The following PDZRN3 variants were observed in gnomAD, a reference collection of about 807,000 sequenced individuals.
The protein encoded by PDZRN3 is E3 ubiquitin-protein ligase PDZRN3.
PDZRN3 carries 38 observed loss-of-function variants against 85.7 expected under a neutral mutation model. The observed-to-expected ratio is 0.44, with a 90% CI of 0.34 to 0.58. PDZRN3 has a LOEUF of 0.58. Among genes scored for constraint, PDZRN3 ranks in the 20% least tolerant of loss-of-function variants. The probability of loss-of-function intolerance (pLI) is 0.01; values close to 1 mark genes in which losing one functional copy is unlikely to be tolerated. For synonymous variants in PDZRN3, 759 were observed against 638.0 expected (o/e 1.19, Z -2.86); for missense variants, 1,629 against 1,506.4 (o/e 1.08, Z -1.35).
At chr3:73,602,306 T>C (rs779979168) in intron 3 of PDZRN3, 48 bp downstream of exon 3, 68 of 1,001,562 alleles carry the variant, frequency 6.8e-5, no homozygotes, top group Non-Finnish European at 9.9e-5. Flanking sequence ...TAGACGAAGA[T>C]GGGATGGCAT....
intron 3 of PDZRN3, among the ~76,000 whole-genome samples, chr3:73,499,956 T>G (rs746256810): frequency 2.0e-5 from 3 of 152,044 alleles, no homozygotes; most frequent in Non-Finnish European, 4.4e-5. Context: ...TAGCTAATAT[T>G]ATTGTTGTGG....
At position 73,618,938 on chromosome 3, in the gene PDZRN3, T is replaced by C. The variant is rs144712856; in HGVS notation, c.723+5165A>G. Among the ~76,000 whole-genome samples, 181 of 152,336 alleles carry C rather than the reference T, an allele frequency of 1.2e-3. 1 individual carries two copies. The highest frequency in any genetic ancestry group is 4.2e-3 in the African/African-American group (176 of 41,584). On this transcript the variant is annotated intron_variant, in intron 1 of 9. Coordinates refer to ENST00000263666, the MANE Select transcript of PDZRN3 (RefSeq NM_015009.3). ...GCAGGAGCTTTTCAGAAACAAAATA[T>C]ACTTCATGGTGAATACTCTAACAGA...
intron 1 of PDZRN3, among the ~76,000 whole-genome samples, chr3:73,613,578 G>A (rs1702715836): frequency 6.6e-6 from 1 of 152,106 alleles, no homozygotes; most frequent in African/African-American, 2.4e-5. Context: ...AAAAGAAGGT[G>A]AAGAACAGAG....
intron 3 of PDZRN3, among the ~76,000 whole-genome samples, chr3:73,502,637 C>T (rs1438081883): frequency 3.3e-5 from 5 of 152,204 alleles, no homozygotes; most frequent in Non-Finnish European, 5.9e-5. Flanking sequence ...CTGAGACTGG[C>T]AGCTCATGAA....
intron 3 of PDZRN3, 49 bp from the exon 4 acceptor site, chr3:73,404,444 C>T (rs747473367): frequency 1.5e-5 from 24 of 1,561,864 alleles, no homozygotes; most frequent in Middle Eastern, 1.8e-4. Context: ...AAGCAGAAAA[C>T]GGAAGGACAA....
At chr3:73,387,043 T>C (rs1260599550) in intron 8 of PDZRN3, among the ~76,000 whole-genome samples, 3 of 152,196 alleles carry the variant, frequency 2.0e-5, no homozygotes, top group African/African-American at 4.8e-5. Flanking sequence ...TGAGATCTGA[T>C]AGTTTTATAA....
chr3:73,464,703 T>A (rs1703178026), intron 3 of PDZRN3, among the ~76,000 whole-genome samples: 1 of 152,202 alleles, frequency 6.6e-6, no homozygotes, highest in Non-Finnish European at 1.5e-5. Context: ...TGTCTCTTTT[T>A]AAAAAAATCT....
intron 1 of PDZRN3, among the ~76,000 whole-genome samples, chr3:73,615,277 C>A (rs975515270): frequency 6.6e-6 from 1 of 152,182 alleles, no homozygotes; most frequent in Non-Finnish European, 1.5e-5. Flanking sequence ...CTTATTTCCA[C>A]GAGCTTGATT....
At chr3:73,453,404 C>CAAAAAAAAAAA (rs1184407369) in intron 3 of PDZRN3, among the ~76,000 whole-genome samples, 2 of 97,536 alleles carry the variant, frequency 2.1e-5, no homozygotes, top group African/African-American at 7.1e-5. Flanking sequence ...GACTTCGTCT[C>CAAAAAAAAAAA]AAAAAAAAAA....
intron 3 of PDZRN3, among the ~76,000 whole-genome samples, chr3:73,591,637 G>A (rs895084467): frequency 2.0e-5 from 3 of 152,132 alleles, no homozygotes; most frequent in Admixed American, 6.5e-5. Context: ...TAACCACCTG[G>A]TGAGCATTTA....
intron 3 of PDZRN3, among the ~76,000 whole-genome samples, chr3:73,508,539 A>G (rs1218045032): frequency 1.3e-5 from 2 of 152,168 alleles, no homozygotes; most frequent in Middle Eastern, 3.2e-3. Flanking sequence ...GCAGGAGACT[A>G]TCAGTGACTT....
At chr3:73,409,582 G>A (rs1347267221) in intron 3 of PDZRN3, among the ~76,000 whole-genome samples, 1 of 152,148 alleles carries the variant, frequency 6.6e-6, no homozygotes, top group Non-Finnish European at 1.5e-5. Context: ...CTTAAGAAAT[G>A]GAAAGATGAA....
At chr3:73,437,839 G>A (rs1439633310) in intron 3 of PDZRN3, among the ~76,000 whole-genome samples, 1 of 152,108 alleles carries the variant, frequency 6.6e-6, no homozygotes, top group Admixed American at 6.5e-5. Flanking sequence ...TAAAAAAGGA[G>A]GTTCACCTGC....
At chr3:73,533,440 A>C (rs1704705421) in intron 3 of PDZRN3, among the ~76,000 whole-genome samples, 1 of 152,210 alleles carries the variant, frequency 6.6e-6, no homozygotes, top group Non-Finnish European at 1.5e-5. Context: ...GAATCACCAG[A>C]ATTTTAAATC....
At chr3:73,477,038 A>T (rs1703472223) in intron 3 of PDZRN3, among the ~76,000 whole-genome samples, 1 of 152,174 alleles carries the variant, frequency 6.6e-6, no homozygotes, top group African/African-American at 2.4e-5. Context: ...ATATTTATTG[A>T]GTTCTTATAA....
At chr3:73,412,640 G>C (rs901168433) in intron 3 of PDZRN3, among the ~76,000 whole-genome samples, 3 of 152,188 alleles carry the variant, frequency 2.0e-5, no homozygotes, top group African/African-American at 7.2e-5. Context: ...CTTGTGAGCT[G>C]TGCTATCTTG....
At chr3:73,599,145 A>G (rs1023434119) in intron 3 of PDZRN3, among the ~76,000 whole-genome samples, 1 of 152,238 alleles carries the variant, frequency 6.6e-6, no homozygotes, top group East Asian at 1.9e-4. Flanking sequence ...CACATTGTAC[A>G]CCCACATCCA....
chr3:73,457,356 A>G lies in PDZRN3; in HGVS notation c.919-52961T>C, dbSNP rs550687474. ...CCAAAGTGCTGGGATTACAGGTATG[A>G]GCCACCGTGCCCGGCCGTACCTTAG... On this transcript the variant is annotated intron_variant, in intron 3 of 9. Coordinates refer to ENST00000263666, the MANE Select transcript of PDZRN3 (RefSeq NM_015009.3). Among the ~76,000 whole-genome samples, 26 of 152,178 alleles carry G rather than the reference A, an allele frequency of 1.7e-4. No individual in the cohort carries two copies. The South Asian group carries it at 5.2e-3, about 30-fold the overall frequency.
At chr3:73,514,642 T>C (rs1204023048) in intron 3 of PDZRN3, among the ~76,000 whole-genome samples, 1 of 152,212 alleles carries the variant, frequency 6.6e-6, no homozygotes, top group Non-Finnish European at 1.5e-5. Flanking sequence ...TAGCCAACGG[T>C]TGAGGGCTGA....
Sources: gnomAD v4.1 joint callset for allele counts (sites outside exome capture counted in the v4.1 genomes callset) on GRCh38, gnomAD v4.1.1 for gene constraint, MANE v1.5 for transcripts, NCBI Gene and HGNC (gene_info 2026-07-23, HGNC 2026-07-21) for gene names.